Variants in CAMTA1 observed in about 807,000 individuals in gnomAD.
CAMTA1 encodes calmodulin binding transcription activator 1.
A neutral mutation model predicts 170.9 loss-of-function variants in CAMTA1; 27 were observed. The observed-to-expected ratio is 0.16, with a 90% CI of 0.12 to 0.22. The LOEUF (loss-of-function observed/expected upper bound fraction) is 0.22, where lower values mean the gene tolerates loss of function less well. Ranked by LOEUF, CAMTA1 falls within the 10% of genes least tolerant of loss-of-function variation. The pLI is 1.00. For synonymous variants in CAMTA1, 833 were observed against 891.5 expected, an observed-to-expected ratio of 0.93 and a Z score of 1.17; for missense variants, 1,619 against 2,217.2, an observed-to-expected ratio of 0.73 and a Z score of 5.42.
intron 6 of CAMTA1, among the ~76,000 whole-genome samples, chr1:7,539,828 C>G (rs2094588664): frequency 6.6e-6 from 1 of 152,236 alleles, no homozygotes; most frequent in South Asian, 2.1e-4. Context: ...TGAGAACTGC[C>G]TGATAGGCAT....
chr1:6,985,110 C>G (rs1695138136), intron 3 of CAMTA1, among the ~76,000 whole-genome samples: 1 of 152,234 alleles, frequency 6.6e-6, no homozygotes, highest in African/African-American at 2.4e-5. Flanking sequence ...ACAAGGCTGT[C>G]CCCTAAGCTA....
At chr1:6,932,549 C>T (rs1020584278) in intron 3 of CAMTA1, among the ~76,000 whole-genome samples, 3 of 152,158 alleles carry the variant, frequency 2.0e-5, no homozygotes, top group African/African-American at 7.2e-5. Context: ...GTGGGATGGC[C>T]GGATCATATG....
chr1:7,311,732 T>C (rs200270550), intron 5 of CAMTA1, among the ~76,000 whole-genome samples: 1 of 152,192 alleles, frequency 6.6e-6, no homozygotes, highest in East Asian at 1.9e-4. Flanking sequence ...TTCTCATAGG[T>C]AATCCAGCCA....
At chr1:7,277,726 T>C (rs1314267799) in intron 5 of CAMTA1, among the ~76,000 whole-genome samples, 2 of 152,076 alleles carry the variant, frequency 1.3e-5, no homozygotes, top group East Asian at 3.8e-4. Flanking sequence ...TAATGGCCTA[T>C]GATGTCCATC....
intron 3 of CAMTA1, among the ~76,000 whole-genome samples, chr1:6,998,096 G>A (rs1419913640): frequency 6.7e-6 from 1 of 149,128 alleles, no homozygotes; most frequent in African/African-American, 2.5e-5. Flanking sequence ...GTTTTGTTTT[G>A]AGATGGAGTC....
chr1:7,711,080 A>G (rs1312605197), intron 11 of CAMTA1, among the ~76,000 whole-genome samples: 1 of 152,174 alleles, frequency 6.6e-6, no homozygotes, highest in African/African-American at 2.4e-5. Flanking sequence ...TAAACAACAC[A>G]GATTTATTTC....
rs2092598480 is a variant in CAMTA1 at position 7,443,366 on chromosome 1, A to G, written c.439-24464A>G. Among the ~76,000 whole-genome samples, 2 of 152,218 alleles carry G rather than the reference A, an allele frequency of 1.3e-5. No individual in the cohort carries two copies. The highest frequency in any genetic ancestry group is 4.1e-4 in the South Asian group (2 of 4,832). On this transcript the variant is annotated intron_variant, in intron 5 of 22. Transcript: ENST00000303635. This position sits in a 1 kb window ranked among gnomAD's most constrained non-coding sequence, Gnocchi z 4.1. The stretch of plus-strand genomic sequence containing the variant: ...AAGCCTAGCTAGTACTTGTTGAGTT[A>G]GTAGATGCTGCATCAAGGTGGCCTT...
intron 6 of CAMTA1, among the ~76,000 whole-genome samples, chr1:7,640,136 G>A (rs902075359): frequency 6.6e-5 from 10 of 152,244 alleles, no homozygotes; most frequent in African/African-American, 2.4e-4. Flanking sequence ...GGCAATGTCT[G>A]AAGACTTCTC....
At chr1:7,344,907 C>T (rs558823857) in intron 5 of CAMTA1, among the ~76,000 whole-genome samples, 17 of 92,480 alleles carry the variant, frequency 1.8e-4, no homozygotes, top group South Asian at 1.3e-3. Flanking sequence ...CCACCATGCC[C>T]GCCTAATTTT....
rs138166575 is a variant in CAMTA1, at chr1:7,060,299, G to C, written c.235-31005G>C. Among the ~76,000 whole-genome samples the C allele has an allele frequency of 3.2e-3, 490 of 152,314 alleles. 3 individuals are homozygous for C. The highest frequency in any genetic ancestry group is 0.011 in the African/African-American group (466 of 41,582). On this transcript the variant is annotated intron_variant, in intron 3 of 22. Transcript: ENST00000303635. ...CCTCTCTCCTTGGCCTGCAGACGGT[G>C]TCTTCTTGCCCTGTCCTCACATGGC...
intron 4 of CAMTA1, among the ~76,000 whole-genome samples, chr1:7,212,750 C>T (rs1659009601): frequency 6.6e-6 from 1 of 152,042 alleles, no homozygotes; most frequent in Non-Finnish European, 1.5e-5. Context: ...TTTAGCCACA[C>T]CCACTTCCTC....
intron 3 of CAMTA1, among the ~76,000 whole-genome samples, chr1:6,964,406 A>T (rs1452828093): frequency 6.6e-6 from 1 of 152,082 alleles, no homozygotes; most frequent in Non-Finnish European, 1.5e-5. Context: ...GCTTCTCTGG[A>T]TGTTCCATCT....
chr1:7,544,622 C>T (rs1227273377), intron 6 of CAMTA1, among the ~76,000 whole-genome samples: 1 of 152,132 alleles, frequency 6.6e-6, no homozygotes. Flanking sequence ...ACACTGAGTC[C>T]ATTTAGTGTT....
intron 6 of CAMTA1, among the ~76,000 whole-genome samples, chr1:7,551,316 A>ATG (rs201599514): frequency 3.3e-5 from 5 of 152,074 alleles, no homozygotes; most frequent in Non-Finnish European, 7.4e-5. Context: ...GTGTATGTGC[A>ATG]TGTGTGTGTG....
chr1:7,655,007 TAC>T (rs1269804823), intron 7 of CAMTA1, among the ~76,000 whole-genome samples: 3 of 88,296 alleles, frequency 3.4e-5, no homozygotes, highest in African/African-American at 4.6e-5. Context: ...CACACACCTA[TAC>T]ACACACCCCT....
At chr1:6,853,816 A>G (rs1661276960) in intron 3 of CAMTA1, among the ~76,000 whole-genome samples, 1 of 152,248 alleles carries the variant, frequency 6.6e-6, no homozygotes, top group Non-Finnish European at 1.5e-5. Flanking sequence ...TGGGATAAAG[A>G]CATACATAAT....
At chr1:7,202,771 T>G (rs1656949417) in intron 4 of CAMTA1, among the ~76,000 whole-genome samples, 1 of 152,202 alleles carries the variant, frequency 6.6e-6, no homozygotes, top group Non-Finnish European at 1.5e-5. Flanking sequence ...GTTCTCATAG[T>G]GTTTTTTAGT....
At chr1:7,445,605 G>A (rs1370510336) in intron 5 of CAMTA1, among the ~76,000 whole-genome samples, 1 of 152,174 alleles carries the variant, frequency 6.6e-6, no homozygotes, top group Non-Finnish European at 1.5e-5. Flanking sequence ...GAAAGACCTG[G>A]GCCCAAGGCC....
chr1:7,503,509 A>G (rs2094045309), intron 6 of CAMTA1, among the ~76,000 whole-genome samples: 1 of 152,074 alleles, frequency 6.6e-6, no homozygotes, highest in African/African-American at 2.4e-5. Context: ...AGGGGAGGGA[A>G]TGGTCGCTGC....
Sources: allele counts gnomAD v4.1 joint callset (sites outside exome capture counted in the v4.1 genomes callset), GRCh38; gene constraint gnomAD v4.1.1; non-coding constraint Gnocchi (gnomAD v3.1); transcripts MANE v1.5; gene names NCBI Gene and HGNC (gene_info 2026-07-23, HGNC 2026-07-21).